Variants in ATG2B observed in about 807,000 individuals in gnomAD.
The protein encoded by ATG2B is autophagy-related protein 2 homolog B.
ATG2B carries 121 observed loss-of-function variants against 241.3 expected under a neutral mutation model. That is an observed-to-expected ratio of 0.50 (90% CI 0.43 to 0.58). The LOEUF (loss-of-function observed/expected upper bound fraction) is 0.58, where lower values mean the gene tolerates loss of function less well. Ranked by LOEUF, ATG2B falls within the 20% of genes least tolerant of loss-of-function variation. The pLI, the probability that ATG2B is intolerant of heterozygous loss-of-function variation, is 0.00. For synonymous variants in ATG2B, 858 were observed against 876.6 expected (o/e 0.98, Z 0.37); for missense variants, 2,306 against 2,491.6 (o/e 0.93, Z 1.59).
chr14:96,312,589 C>CT (rs892654629), intron 25 of ATG2B, among the ~76,000 whole-genome samples: 4 of 151,110 alleles, frequency 2.6e-5, no homozygotes, highest in African/African-American at 9.7e-5. Flanking sequence ...AAAAACAAAA[C>CT]TTTTTTTTTA....
intron 6 of ATG2B, among the ~76,000 whole-genome samples, chr14:96,338,223 A>G (rs1887916676): frequency 6.6e-6 from 1 of 152,086 alleles, no homozygotes; most frequent in Non-Finnish European, 1.5e-5. Flanking sequence ...ATGACATAGC[A>G]TAGGTGAACA....
chr14:96,334,586 G>C (rs1350560433), intron 6 of ATG2B, 85 bp from the exon 7 acceptor site: 3 of 692,386 alleles, frequency 4.3e-6, no homozygotes, highest in Non-Finnish European at 7.2e-6. Context: ...AATGAACTGA[G>C]ATGAATACTG....
intron 17 of ATG2B, 40 bp from the exon 18 acceptor site, chr14:96,322,294 T>C: frequency 6.4e-7 from 1 of 1,566,682 alleles, no homozygotes; most frequent in Non-Finnish European, 8.6e-7. Flanking sequence ...AAGGCATCCA[T>C]GTTTAAAATA....
intron 5 of ATG2B, among the ~76,000 whole-genome samples, chr14:96,342,875 T>A (rs1220247513): frequency 1.3e-5 from 2 of 152,078 alleles, no homozygotes; most frequent in African/African-American, 4.8e-5. Context: ...TCTACACCAT[T>A]TTCCCCCAAG....
chr14:96,306,947 A>G (rs1240856891), intron 29 of ATG2B, 31 bp from the exon 30 acceptor site: 1 of 1,565,520 alleles, frequency 6.4e-7, no homozygotes, highest in African/African-American at 1.4e-5. Context: ...ATTTTGGCAC[A>G]CTTTGAAATA....
chr14:96,336,882 T>C (rs953276152), intron 6 of ATG2B, among the ~76,000 whole-genome samples: 1 of 152,174 alleles, frequency 6.6e-6, no homozygotes, highest in Non-Finnish European at 1.5e-5. Flanking sequence ...TGTAAAAGGA[T>C]TTTGCACCAT....
chr14:96,298,265 C>T (rs951897051), intron 34 of ATG2B, among the ~76,000 whole-genome samples: 9 of 152,148 alleles, frequency 5.9e-5, no homozygotes, highest in Non-Finnish European at 8.8e-5. Context: ...ATTTTAAGAA[C>T]GACAATACCA....
Position 96,311,636 on chromosome 14 carries a change from A to C in ATG2B, c.3914-18T>G. The C allele has an allele frequency of 2.6e-6, 4 of 1,557,050 alleles. No individual in the cohort carries two copies. The South Asian group carries it at 4.5e-5, about 18-fold the overall frequency. On this transcript the variant is annotated intron_variant, in intron 26 of 41. Coordinates refer to ENST00000359933, the MANE Select transcript of ATG2B (RefSeq NM_018036.7). ...AACATAATCTAAAATTTTTAAAATT[A>C]AGAAAATCTCTTCAGTACAGCTTTC... is the stretch of plus-strand genomic sequence containing the variant.
At chr14:96,334,369 AG>A (rs1566729475) in intron 7 of ATG2B, 35 bp downstream of exon 7, 3 of 1,383,468 alleles carry the variant, frequency 2.2e-6, no homozygotes, top group East Asian at 2.4e-5. Context: ...AATTTAAAAA[AG>A]TAACAAGTAT....
At chr14:96,320,838 T>C (rs1457027810) in intron 18 of ATG2B, among the ~76,000 whole-genome samples, 1 of 152,084 alleles carries the variant, frequency 6.6e-6, no homozygotes, top group Non-Finnish European at 1.5e-5. Flanking sequence ...CCCTGAACTA[T>C]GAAATAAAAG....
intron 14 of ATG2B, among the ~76,000 whole-genome samples, chr14:96,327,513 C>T (rs1241192075): frequency 6.6e-6 from 1 of 151,914 alleles, no homozygotes; most frequent in Admixed American, 6.6e-5. Flanking sequence ...AAAAGTATAT[C>T]CCATATTGTT....
At chr14:96,326,335 T>C (rs1016502410) in intron 14 of ATG2B, among the ~76,000 whole-genome samples, 4 of 152,218 alleles carry the variant, frequency 2.6e-5, no homozygotes, top group Admixed American at 6.5e-5. Context: ...TGATTTTAAA[T>C]ACTCAATGTG....
chr14:96,300,350 T>A (rs1302985832), intron 34 of ATG2B, among the ~76,000 whole-genome samples: 1 of 152,114 alleles, frequency 6.6e-6, no homozygotes, highest in East Asian at 1.9e-4. Flanking sequence ...TGGGACCACG[T>A]CTCTACAAAA....
At chr14:96,345,181 C>G in intron 3 of ATG2B, 52 bp downstream of exon 3, 1 of 1,499,196 alleles carries the variant, frequency 6.7e-7, no homozygotes, top group Non-Finnish European at 9.1e-7. Flanking sequence ...CATGAAGGTA[C>G]AAAACTACTA....
Position 96,329,566 on chromosome 14 carries a change from G to A in ATG2B, c.1799C>T (p.Thr600Ile), listed in dbSNP as rs771527438. 4 of 1,610,862 alleles carry A rather than the reference G, an allele frequency of 2.5e-6. No individual in the cohort carries two copies. The Admixed American group carries it at 5.0e-5, about 20-fold the overall frequency. The change falls in exon 12 of 42, where the codon ACT becomes ATT. Residue 600 changes from threonine (T) to isoleucine (I), a missense_variant. By Grantham distance (89) the Thr-to-Ile change is moderately conservative. This residue lies in a region of ATG2B where 1,927 missense variants were observed against 2,011.2 expected (regional missense o/e 0.96). Transcript: ENST00000359933. ...TTCCATTTGCCCAATGGACATATCA[G>A]TACTAAAATATCGGGAAGCTGATCT... ...RQRSASRYFSTDMSIGQMEFL... is the reference protein window; with the variant it reads ...RQRSASRYFSIDMSIGQMEFL...
At position 96,281,120 on chromosome 14, in the gene ATG2B, G is replaced by C. The variant is rs896981088; in HGVS notation, c.*4635C>G. The C allele has an allele frequency of 1.3e-5, 2 of 152,122 alleles. No homozygotes were observed. Among genetic ancestry groups the C allele is most frequent in the Non-Finnish European group, 2.9e-5 (2 of 68,028 alleles). The allele number at this position is 152,122 out of a possible 1,614,324, so 9.4% of individuals were successfully genotyped here. A position where few individuals can be genotyped will look rare whatever the true frequency, so the allele number is the denominator to read the frequency against. On this transcript the variant is annotated 3_prime_UTR_variant, in exon 42 of 42. Transcript: ENST00000359933. ...TCAGTAGCAGACAGACCCAAGATCTGCTATCAGAAGCATCAGGGGCACTGG... is the reference window on the plus strand; with the variant it reads ...TCAGTAGCAGACAGACCCAAGATCTCCTATCAGAAGCATCAGGGGCACTGG...
chr14:96,302,210 T>C, intron 33 of ATG2B, 102 bp from the exon 34 acceptor site: 1 of 700,244 alleles, frequency 1.4e-6, no homozygotes, highest in East Asian at 2.8e-5. Context: ...TCCTATACCA[T>C]ATGAGAAAAA....
chr14:96,290,974 A>T lies in ATG2B; in HGVS notation c.5580-39T>A. 6.4e-7 allele frequency: 1 copy of T among 1,556,484 alleles called. No homozygotes were observed. Among genetic ancestry groups the T allele is most frequent in the South Asian group, 1.2e-5 (1 of 83,116 alleles). ...TTATTAGTATGTCAAAAGGAGAAAT[A>T]CATTTATAGACACAGATTAGTTTGA... On this transcript the variant is annotated intron_variant, in intron 38 of 41. Transcript: ENST00000359933. This position sits in a 1 kb window ranked among gnomAD's most constrained non-coding sequence, Gnocchi z 4.4.
At chr14:96,311,500 A>G in intron 27 of ATG2B, 42 bp downstream of exon 27, 1 of 1,498,234 alleles carries the variant, frequency 6.7e-7, no homozygotes, top group Non-Finnish European at 9.1e-7. Context: ...TTAATCTCTT[A>G]AAAAATAGAA....
Sources: gnomAD v4.1 joint callset for allele counts (sites outside exome capture counted in the v4.1 genomes callset) on GRCh38, gnomAD v4.1.1 for gene constraint, gnomAD v4.1.1 regional missense constraint, Gnocchi (gnomAD v3.1) non-coding constraint, MANE v1.5 for transcripts, NCBI Gene and HGNC (gene_info 2026-07-23, HGNC 2026-07-21) for gene names.